Variants in TRIM2 observed in about 807,000 individuals in gnomAD.
TRIM2 encodes the protein tripartite motif-containing protein 2.
Under a neutral mutation model 75.2 loss-of-function variants are expected in TRIM2, and 20 were observed. The observed-to-expected ratio is 0.27, with a 90% CI of 0.19 to 0.39. The LOEUF (loss-of-function observed/expected upper bound fraction) is 0.39. Among genes scored for constraint, TRIM2 ranks in the 10% least tolerant of loss-of-function variants. The pLI, the probability that TRIM2 is intolerant of heterozygous loss-of-function variation, is 1.00. For missense variants in TRIM2, 660 were observed against 990.8 expected (o/e 0.67, Z 4.48); for synonymous variants, 373 against 388.3 (o/e 0.96, Z 0.46).
At chr4:153,179,075 C>G (rs1731774283) in intron 1 of TRIM2, among the ~76,000 whole-genome samples, 1 of 151,994 alleles carries the variant, frequency 6.6e-6, no homozygotes, top group African/African-American at 2.4e-5. Flanking sequence ...CTTGTGGTCC[C>G]AGCTACTTGG....
intron 11 of TRIM2, among the ~76,000 whole-genome samples, chr4:153,329,621 A>G (rs56367759): frequency 0.062 from 9,461 of 151,842 alleles, 406 homozygotes; most frequent in Middle Eastern, 0.13. Context: ...AGATCACTTG[A>G]GGTCAGGAGT....
chr4:153,200,558 G>A (rs558174707), upstream of TRIM2, among the ~76,000 whole-genome samples: 12 of 152,096 alleles, frequency 7.9e-5, no homozygotes, highest in African/African-American at 2.9e-4. Context: ...TCCAGAAGTA[G>A]AATTGCTTGC....
intron 1 of TRIM2, among the ~76,000 whole-genome samples, chr4:153,222,006 AGAAGGAAGGAAAGAGCAAG>A (rs1560836130): frequency 4.7e-5 from 2 of 42,890 alleles, no homozygotes; most frequent in African/African-American, 1.5e-4. Flanking sequence ...AAGGAAGGAA[AGAAGGAAGGAAAGAGCAAG>A]GAAGGAAGGA....
Position 153,243,201 on chromosome 4 carries a change from C to A in TRIM2, c.31-27134C>A, listed in dbSNP as rs191705486. ...GGTAGGCCTGAGGCTAGGGTGGAGC[C>A]CCCAAGCTTCCTATCAGTACCGCCA... On this transcript the variant is annotated intron_variant, in intron 1 of 11. Coordinates refer to ENST00000338700, the MANE Select transcript of TRIM2 (RefSeq NM_015271.5). 1.1e-3 allele frequency among the ~76,000 whole-genome samples: 167 copies of A among 152,334 alleles called. 1 individual carries two copies. The highest frequency in any genetic ancestry group is 3.7e-3 in the Admixed American group (56 of 15,310).
chr4:153,303,438 A>G lies in TRIM2; in HGVS notation c.1510+7402A>G, dbSNP rs912974544. Among the ~76,000 whole-genome samples, 4 of 150,236 alleles carry G rather than the reference A, an allele frequency of 2.7e-5. No homozygotes were observed. The South Asian group carries it at 6.3e-4, about 24-fold the overall frequency. Reference sequence around the variant, plus strand: ...CAGTGAGCCAAGATCTTGCCACTGTACTCCAGCCTGGGTGACAGAGTGAGA... The same window carrying G: ...CAGTGAGCCAAGATCTTGCCACTGTGCTCCAGCCTGGGTGACAGAGTGAGA... On this transcript the variant is annotated intron_variant, in intron 6 of 11. Transcript: ENST00000338700.
chr4:153,202,423 G>A (rs958639598), upstream of TRIM2, among the ~76,000 whole-genome samples: 2 of 152,174 alleles, frequency 1.3e-5, no homozygotes, highest in African/African-American at 4.8e-5. Context: ...GAGGCCAGCC[G>A]CGTTGGCTCG....
intron 1 of TRIM2, among the ~76,000 whole-genome samples, chr4:153,253,314 C>T (rs1751299160): frequency 6.6e-6 from 1 of 152,108 alleles, no homozygotes; most frequent in South Asian, 2.1e-4. Flanking sequence ...GTACTTTTAA[C>T]GTACTCTCCC....
chr4:153,169,140 C>T (rs1395439970), intron 1 of TRIM2, among the ~76,000 whole-genome samples: 2 of 152,202 alleles, frequency 1.3e-5, no homozygotes, highest in Admixed American at 6.5e-5. Context: ...TAACCTAGCA[C>T]TTATTCAAAA....
rs777232287 is a variant in TRIM2, at chr4:153,334,987, G to A, written c.*21G>A. The A allele has an allele frequency of 1.6e-4, 264 of 1,600,576 alleles. No homozygotes were observed. Among genetic ancestry groups the A allele is most frequent in the Non-Finnish European group, 1.9e-4 (226 of 1,171,652 alleles). ...AGTAATGGTGGGCAGGTGGATACCC[G>A]CTTCCATGGTCTTGCACTATAAACT... On this transcript the variant is annotated 3_prime_UTR_variant, in exon 12 of 12. Transcript: ENST00000338700.
intron 1 of TRIM2, among the ~76,000 whole-genome samples, chr4:153,185,448 C>G (rs1201208559): frequency 6.6e-6 from 1 of 152,080 alleles, no homozygotes; most frequent in East Asian, 1.9e-4. Context: ...TGATCATACT[C>G]TGCACAGCCT....
chr4:153,308,370 A>G (rs1417282648), intron 6 of TRIM2: 10 of 1,018,464 alleles, frequency 9.8e-6, no homozygotes, highest in Non-Finnish European at 1.4e-5. Flanking sequence ...TCTTGAGCAG[A>G]TGATCTCAAT....
intron 1 of TRIM2, among the ~76,000 whole-genome samples, chr4:153,172,417 G>T (rs535494417): frequency 9.5e-4 from 144 of 152,268 alleles, no homozygotes; most frequent in African/African-American, 3.3e-3. Flanking sequence ...TCGATCTCCT[G>T]ACCCCATGAT....
intron 1 of TRIM2, among the ~76,000 whole-genome samples, chr4:153,205,637 T>C (rs1170461062): frequency 6.6e-6 from 1 of 152,074 alleles, no homozygotes; most frequent in Non-Finnish European, 1.5e-5. Context: ...AATGAAAAGG[T>C]GAGGTTTAAT....
chr4:153,273,062 C>T (rs541093231), intron 2 of TRIM2, among the ~76,000 whole-genome samples: 3 of 152,074 alleles, frequency 2.0e-5, no homozygotes, highest in South Asian at 4.1e-4. Context: ...TGGTCTCGAT[C>T]TCTTGACCTC....
chr4:153,240,235 C>T (rs150475451), intron 1 of TRIM2, among the ~76,000 whole-genome samples: 17 of 152,286 alleles, frequency 1.1e-4, no homozygotes, highest in Admixed American at 3.9e-4. Context: ...AAAAGATTAT[C>T]GCTGCCAAAC....
chr4:153,325,733 C>G (rs1274919972), intron 10 of TRIM2, among the ~76,000 whole-genome samples: 1 of 152,196 alleles, frequency 6.6e-6, no homozygotes, highest in African/African-American at 2.4e-5. Context: ...TCTGCCCACT[C>G]CCAGCTGAAA....
intron 1 of TRIM2, chr4:153,267,105 G>A: frequency 6.7e-6 from 1 of 149,768 alleles, no homozygotes; most frequent in Admixed American, 6.7e-5. Context: ...GGAAAAGAAT[G>A]TTTTCTTTAG....
chr4:153,336,321 A>G lies in TRIM2; in HGVS notation c.*1355A>G. ...TCCAAGAATGACGGTGGTGGCTTTT[A>G]GTCAGAAAATGGCCTTCTGTGCTTT... On this transcript the variant is annotated 3_prime_UTR_variant, in exon 12 of 12. Coordinates refer to ENST00000338700, the MANE Select transcript of TRIM2 (RefSeq NM_015271.5). 1 of 981,658 alleles carries G rather than the reference A, an allele frequency of 1.0e-6. No homozygotes were observed. Among genetic ancestry groups the G allele is most frequent in the Non-Finnish European group, 1.2e-6 (1 of 829,186 alleles). 60.8% of individuals were successfully genotyped at this position (981,658 alleles called of 1,614,324 possible). A position where few individuals can be genotyped will look rare whatever the true frequency, so the allele number is the denominator to read the frequency against.
chr4:153,253,813 T>C (rs572247855), intron 1 of TRIM2, among the ~76,000 whole-genome samples: 124 of 152,264 alleles, frequency 8.1e-4, no homozygotes, highest in African/African-American at 2.9e-3. Context: ...TTACCCTATA[T>C]GTTCGAGAAA....
Sources: gnomAD v4.1 joint callset for allele counts (sites outside exome capture counted in the v4.1 genomes callset) on GRCh38, gnomAD v4.1.1 for gene constraint, MANE v1.5 for transcripts, NCBI Gene and HGNC (gene_info 2026-07-23, HGNC 2026-07-21) for gene names.